ANO7: variants seen among roughly 807,000 people sequenced by gnomAD.
ANO7 encodes the protein anoctamin 7, also known as anoctamin-7.
In ANO7, 114 loss-of-function variants were observed where a neutral mutation model predicts 115.8. The ratio of observed to expected loss-of-function variants is 0.98; its 90% CI spans 0.85 to 1.15. ANO7 has a LOEUF of 1.15. Among genes scored for constraint, ANO7 ranks in the 50% most tolerant of loss-of-function variants. ANO7 has a pLI of 0.00. For missense variants in ANO7, 1,302 were observed against 1,201.2 expected (o/e 1.08, Z -1.24); for synonymous variants, 550 against 498.2 (o/e 1.10, Z -1.38).
chr2:241,233,734 C>T, the ANO7 span: 1 of 1,501,440 alleles, frequency 6.7e-7, no homozygotes, highest in South Asian at 1.2e-5. The surrounding 1 kb of genome is among the most constrained non-coding windows in gnomAD (Gnocchi z 4.3). Context: ...GAACCCCCAT[C>T]TAGGCACATC....
rs754323255 is a variant in ANO7, at chr2:241,190,053, G to A, written c.-7-4G>A. The A allele has an allele frequency of 4.5e-6, 7 of 1,565,910 alleles. No individual in the cohort carries two copies. In the African/African-American group the frequency reaches 8.1e-5, roughly 18 times the overall value. Reference sequence around the variant, plus strand: ...CCATCCCCACCCGGCCTTGCTGGGTGCAGGAGCAGGATGCTGCGGCGACGG... The same window carrying A: ...CCATCCCCACCCGGCCTTGCTGGGTACAGGAGCAGGATGCTGCGGCGACGG... On this transcript the variant is annotated splice_polypyrimidine_tract_variant and splice_region_variant and intron_variant, in intron 1 of 24. Coordinates refer to ENST00000674324, the MANE Select transcript of ANO7 (RefSeq NM_001370694.2).
At chr2:241,240,077 G>A in the ANO7 span, 1 of 1,614,146 alleles carries the variant, frequency 6.2e-7, no homozygotes, top group Non-Finnish European at 8.5e-7. The surrounding 1 kb of genome is among the most constrained non-coding windows in gnomAD (Gnocchi z 5.5). Context: ...AGGAATTTGT[G>A]GTATTCTGGC....
intron 3 of ANO7, 113 bp from the exon 4 acceptor site, chr2:241,195,590 G>C: frequency 4.0e-6 from 4 of 1,012,590 alleles, no homozygotes; most frequent in Non-Finnish European, 2.9e-6. Context: ...CCGGCCCTGA[G>C]TGTCCAAGTG....
At chr2:241,235,906 C>T in the ANO7 span, among the ~76,000 whole-genome samples, 1 of 152,148 alleles carries the variant, frequency 6.6e-6, no homozygotes, top group Non-Finnish European at 1.5e-5. Context: ...GTCATGACGG[C>T]TTTGACCGAT....
chr2:241,214,013 G>T (rs183478490), intron 17 of ANO7, among the ~76,000 whole-genome samples: 3 of 152,360 alleles, frequency 2.0e-5, no homozygotes, highest in African/African-American at 7.2e-5. Context: ...TCGGCCAGGC[G>T]TGGTGGCTCA....
At chr2:241,239,496 G>GT in the ANO7 span, 1 of 887,520 alleles carries the variant, frequency 1.1e-6, no homozygotes, top group Non-Finnish European at 1.8e-6. This position sits in a 1 kb window ranked among gnomAD's most constrained non-coding sequence, Gnocchi z 4.6. Context: ...TTCCAGGGCT[G>GT]TATGAGGGAG....
intron 5 of ANO7, among the ~76,000 whole-genome samples, chr2:241,199,802 C>CT (rs1285862100): frequency 6.6e-6 from 1 of 152,238 alleles, no homozygotes; most frequent in African/African-American, 2.4e-5. Context: ...ACTGGCTGGC[C>CT]TGACCCTCAC....
chr2:241,236,452 C>G, the ANO7 span: 2 of 703,382 alleles, frequency 2.8e-6, no homozygotes, highest in Admixed American at 5.2e-5. Context: ...ACTCTGTGTC[C>G]AGCCGAGAAG....
rs2068117977 is a variant in ANO7 at position 241,188,810 on chromosome 2, AGCGTTGGACTCTAGGGAGGCAGG to A, written c.-8+48_-8+70del. ...CGTGTGGGCCACAGGGAGAAGGTGGAGCGTTGGACTCTAGGGAGGCAGGGCGGCACCCCAGCCCACCGGGACTT... is the reference window on the plus strand; with the variant it reads ...CGTGTGGGCCACAGGGAGAAGGTGGAGCGGCACCCCAGCCCACCGGGACTT... On this transcript the variant is annotated intron_variant, in intron 1 of 24. Transcript: ENST00000674324. The surrounding 1 kb of genome is among the most constrained non-coding windows in gnomAD (Gnocchi z 4.3). 1 of 1,592,908 alleles carries A rather than the reference AGCGTTGGACTCTAGGGAGGCAGG, an allele frequency of 6.3e-7. No homozygotes were observed. Among genetic ancestry groups the A allele is most frequent in the African/African-American group, 1.3e-5 (1 of 74,234 alleles).
At chr2:241,220,869 G>A (rs1216180701) in intron 21 of ANO7, among the ~76,000 whole-genome samples, 1 of 150,958 alleles carries the variant, frequency 6.6e-6, no homozygotes, top group East Asian at 2.0e-4. Context: ...TGCTCTGGAG[G>A]CTGGGGCAGG....
chr2:241,223,637 CGT>C, intron 22 of ANO7, 23 bp from the exon 23 acceptor site: 2 of 1,607,528 alleles, frequency 1.2e-6, no homozygotes, highest in Non-Finnish European at 8.5e-7. Flanking sequence ...TTTGGGTGGG[CGT>C]GAGTGCCTTC....
chr2:241,192,778 G>C (rs2068235082), intron 3 of ANO7, among the ~76,000 whole-genome samples: 1 of 152,194 alleles, frequency 6.6e-6, no homozygotes, highest in Admixed American at 6.5e-5. Context: ...GCTGCAACGG[G>C]GATGCGCCTT....
At position 241,210,489 on chromosome 2, in the gene ANO7, A is replaced by G. The variant is rs2068697250; in HGVS notation, c.1480A>G (p.Thr494Ala). The G allele has an allele frequency of 6.2e-7, 1 of 1,613,816 alleles. No homozygotes were observed. The highest frequency in any genetic ancestry group is 1.7e-5 in the Admixed American group (1 of 59,988). Residue 494 changes from threonine to alanine, a missense_variant, in exon 15 of 25, where the codon ACG becomes GCG. Coordinates refer to ENST00000674324, the MANE Select transcript of ANO7 (RefSeq NM_001370694.2). ...TTAGGCCTCTCGCATCGCCAGCCTC[A>G]CGGGGTCTGTAGTGAACCTCGTCTT... ...AAWASRIASL[T>A]GSVVNLVFIL...
intron 13 of ANO7, 32 bp from the exon 14 acceptor site, chr2:241,210,263 G>T (rs777952649): frequency 3.7e-6 from 6 of 1,608,758 alleles, no homozygotes; most frequent in Non-Finnish European, 5.1e-6. Flanking sequence ...AAGACACCGT[G>T]AAGGGTCTCA....
chr2:241,198,344 G>A (rs1295048987), intron 4 of ANO7, among the ~76,000 whole-genome samples: 1 of 152,206 alleles, frequency 6.6e-6, no homozygotes, highest in Non-Finnish European at 1.5e-5. Flanking sequence ...CCTGAGTTTG[G>A]ATCTGCTTCA....
intron 11 of ANO7, among the ~76,000 whole-genome samples, chr2:241,208,162 A>G (rs2068633739): frequency 6.6e-6 from 1 of 152,172 alleles, no homozygotes. Flanking sequence ...CATGCACTGG[A>G]CCCAGAGCCC....
chr2:241,236,818 C>T, the ANO7 span: 2 of 1,591,508 alleles, frequency 1.3e-6, no homozygotes, highest in Non-Finnish European at 1.7e-6. Flanking sequence ...GGAAGAGACC[C>T]CACACCTTGT....
intron 20 of ANO7, 31 bp downstream of exon 20, chr2:241,217,922 CGGGGGCGCGCAGGGGCGGGGGCG>C (rs769000397): frequency 2.4e-5 from 13 of 534,546 alleles, no homozygotes; most frequent in Admixed American, 4.5e-5. Flanking sequence ...CGGGGCGGGG[CGGGGGCGCGCAGGGGCGGGGGCG>C]GGGGGGGCAG....
Position 241,224,207 on chromosome 2 carries a change from C to CGAG in ANO7, c.*55_*57dup, listed in dbSNP as rs2069101525. ...GGGGAGTGGCCCCTCCTGAGCCCTG[C>CGAG]GAGCAGCGTCCTTTTCCTCTTCCCT... On this transcript the variant is annotated 3_prime_UTR_variant, in exon 25 of 25. Transcript: ENST00000674324. The CGAG allele has an allele frequency of 5.0e-6, 8 of 1,588,854 alleles. No individual in the cohort carries two copies. In the South Asian group the frequency reaches 8.9e-5, roughly 18 times the overall value.
Sources: allele counts gnomAD v4.1 joint callset (sites outside exome capture counted in the v4.1 genomes callset), GRCh38; gene constraint gnomAD v4.1.1; non-coding constraint Gnocchi (gnomAD v3.1); transcripts MANE v1.5; gene names NCBI Gene and HGNC (gene_info 2026-07-23, HGNC 2026-07-21).